The following COPE variants were observed in gnomAD, a reference collection of about 807,000 sequenced individuals.
COPE encodes the protein coatomer subunit epsilon.
A neutral mutation model predicts 42.1 loss-of-function variants in COPE; 19 were observed. The ratio of observed to expected loss-of-function variants is 0.45; its 90% CI spans 0.31 to 0.66. COPE has a LOEUF of 0.66. Among genes scored for constraint, COPE ranks in the 30% least tolerant of loss-of-function variants. COPE has a pLI of 0.05. For missense variants in COPE, 402 were observed against 416.1 expected (o/e 0.97, Z 0.30); for synonymous variants, 195 against 181.3 (o/e 1.08, Z -0.60).
chr19:18,905,197 A>T (rs1258105230), intron 5 of COPE, among the ~76,000 whole-genome samples: 5 of 152,124 alleles, frequency 3.3e-5, no homozygotes, highest in African/African-American at 1.2e-4. Flanking sequence ...GCAGCAGGGG[A>T]GTCCTGGACC....
intron 1 of COPE, among the ~76,000 whole-genome samples, chr19:18,917,248 T>C (rs904649687): frequency 3.3e-5 from 5 of 150,012 alleles, no homozygotes; most frequent in African/African-American, 9.7e-5. Context: ...TTTCTTTTTT[T>C]TTTTTTTTTT....
At chr19:18,912,924 C>A in intron 2 of COPE, 60 bp downstream of exon 2, 3 of 1,560,566 alleles carry the variant, frequency 1.9e-6, no homozygotes, top group South Asian at 1.1e-5. Flanking sequence ...GCCTTCCTGT[C>A]CCCAGCCCCA....
chr19:18,915,140 C>T (rs1189180304), intron 1 of COPE, among the ~76,000 whole-genome samples: 3 of 152,026 alleles, frequency 2.0e-5, no homozygotes, highest in African/African-American at 7.2e-5. Flanking sequence ...CCTGGGAGGT[C>T]GAGGCTACAG....
At chr19:18,907,802 A>T (rs2056774657) in intron 3 of COPE, among the ~76,000 whole-genome samples, 1 of 152,224 alleles carries the variant, frequency 6.6e-6, no homozygotes, top group Admixed American at 6.5e-5. Context: ...TTCTGGGTTC[A>T]AACGTGGCTC....
rs2056743826 is a variant in COPE at position 18,904,869 on chromosome 19, T to C, written c.498-17A>G. 1 of 1,551,404 alleles carries C rather than the reference T, an allele frequency of 6.4e-7. No homozygotes were observed. The highest frequency in any genetic ancestry group is 2.4e-5 in the East Asian group (1 of 40,944). On this transcript the variant is annotated splice_polypyrimidine_tract_variant and intron_variant, in intron 5 of 9. Coordinates refer to ENST00000262812, the MANE Select transcript of COPE (RefSeq NM_007263.4). ...AGCTCCTTCCTGGGGCGGGGACAGATGACAGAGGGGCTGAGTGGCCGAGGG... is the reference window on the plus strand; with the variant it reads ...AGCTCCTTCCTGGGGCGGGGACAGACGACAGAGGGGCTGAGTGGCCGAGGG...
chr19:18,905,860 C>T, intron 4 of COPE: 1 of 550,380 alleles, frequency 1.8e-6, no homozygotes, highest in Non-Finnish European at 3.2e-6. Flanking sequence ...GGCCCCGGCC[C>T]ACTCACCGCC....
At chr19:18,917,241 C>CTTT (rs531312180) in intron 1 of COPE, among the ~76,000 whole-genome samples, 21,487 of 110,254 alleles carry the variant, frequency 0.19, 2,020 homozygotes, top group Admixed American at 0.34. Context: ...TTCTTTTTTT[C>CTTT]TTTTTTTTTT....
chr19:18,906,734 T>C (rs1212841587), intron 4 of COPE: 2 of 504,880 alleles, frequency 4.0e-6, no homozygotes, highest in Non-Finnish European at 6.9e-6. Context: ...GAACAGAGGG[T>C]TGCAGCCTGG....
chr19:18,909,847 G>A (rs1441997321), intron 3 of COPE, among the ~76,000 whole-genome samples: 1 of 152,104 alleles, frequency 6.6e-6, no homozygotes, highest in Admixed American at 6.6e-5. Flanking sequence ...CAAGTCCTTG[G>A]CTTTGGGGCC....
At chr19:18,904,884 G>A in intron 5 of COPE, 32 bp from the exon 6 acceptor site, 1 of 1,547,336 alleles carries the variant, frequency 6.5e-7, no homozygotes, top group African/African-American at 1.4e-5. Context: ...GAGGGGCTGA[G>A]TGGCCGAGGG....
At chr19:18,914,947 T>G (rs1172930564) in intron 1 of COPE, among the ~76,000 whole-genome samples, 1 of 151,878 alleles carries the variant, frequency 6.6e-6, no homozygotes, top group Admixed American at 6.6e-5. Context: ...AGGCTGGTCT[T>G]GAACTCCTGA....
chr19:18,904,844 A>C lies in COPE; in HGVS notation c.506T>G (p.Leu169Arg). 6.4e-7 allele frequency: 1 copy of C among 1,554,236 alleles called. No homozygotes were observed. Among genetic ancestry groups the C allele is most frequent in the Non-Finnish European group, 8.7e-7 (1 of 1,148,498 alleles). ...CTCGTCCAGGTCCTGCATTCTCTTC[A>C]GCTCCTTCCTGGGGCGGGGACAGAT... is the stretch of plus-strand genomic sequence containing the variant. ...LDRLDLARKELKRMQDLDEDA... is the reference protein window; with the variant it reads ...LDRLDLARKERKRMQDLDEDA... Residue 169 changes from leucine (L) to arginine (R), a missense_variant, in exon 6 of 10, where the codon CTG (leucine) becomes CGG (arginine). Coordinates refer to ENST00000262812, the MANE Select transcript of COPE (RefSeq NM_007263.4).
At chr19:18,917,398 C>T (rs1448715084) in intron 1 of COPE, among the ~76,000 whole-genome samples, 2 of 151,638 alleles carry the variant, frequency 1.3e-5, no homozygotes, top group Non-Finnish European at 2.9e-5. Context: ...AGAGAAGTCT[C>T]GCTCTTGTTC....
chr19:18,919,144 C>T, intron 1 of COPE, 79 bp downstream of exon 1: 32 of 1,492,420 alleles, frequency 2.1e-5, no homozygotes, highest in Non-Finnish European at 2.8e-5. Context: ...AGTTTTTAGA[C>T]GCAGAACGCG....
intron 3 of COPE, among the ~76,000 whole-genome samples, chr19:18,907,999 C>T (rs1381609661): frequency 2.6e-5 from 4 of 152,198 alleles, no homozygotes; most frequent in Non-Finnish European, 1.5e-5. Context: ...GACCATGTTA[C>T]AGGGATCATG....
chr19:18,912,569 T>C, intron 2 of COPE, among the ~76,000 whole-genome samples: 1 of 151,984 alleles, frequency 6.6e-6, no homozygotes, highest in East Asian at 1.9e-4. Flanking sequence ...CCACCCTGGC[T>C]AATGTGGTGA....
At chr19:18,919,183 C>T in intron 1 of COPE, 40 bp downstream of exon 1, 3 of 1,583,062 alleles carry the variant, frequency 1.9e-6, no homozygotes, top group Non-Finnish European at 2.6e-6. Flanking sequence ...GCGTCCTCCG[C>T]CTCCGCCCCC....
At chr19:18,911,312 T>C (rs982355178) in intron 2 of COPE, 23 of 535,940 alleles carry the variant, frequency 4.3e-5, no homozygotes, top group Non-Finnish European at 7.1e-5. Flanking sequence ...GGGACCCTGG[T>C]AGGTTACTGT....
At chr19:18,915,806 T>C (rs2056849345) in intron 1 of COPE, among the ~76,000 whole-genome samples, 1 of 152,204 alleles carries the variant, frequency 6.6e-6, no homozygotes. Context: ...ACTCAAGGCC[T>C]ATGAGCTGCT....
Sources: allele counts gnomAD v4.1 joint callset (sites outside exome capture counted in the v4.1 genomes callset), GRCh38; gene constraint gnomAD v4.1.1; transcripts MANE v1.5; gene names NCBI Gene and HGNC (gene_info 2026-07-23, HGNC 2026-07-21).